CDH18: variants seen among roughly 807,000 people sequenced by gnomAD.
CDH18 encodes the protein cadherin 18.
A neutral mutation model predicts 67.9 loss-of-function variants in CDH18; 31 were observed. That is an observed-to-expected ratio of 0.46 (90% CI 0.34 to 0.62). The LOEUF is 0.62. Ranked by LOEUF, CDH18 falls within the 20% of genes least tolerant of loss-of-function variation. CDH18 has a pLI of 0.01. For missense variants in CDH18, 890 were observed against 975.5 expected, an observed-to-expected ratio of 0.91 and a Z score of 1.17; for synonymous variants, 362 against 347.2, an observed-to-expected ratio of 1.04 and a Z score of -0.48.
chr5:19,885,637 T>A (rs1292295489), intron 2 of CDH18, among the ~76,000 whole-genome samples: 1 of 152,180 alleles, frequency 6.6e-6, no homozygotes, highest in African/African-American at 2.4e-5. Context: ...CATAGCTCAC[T>A]GCAGCCTAGA....
intron 4 of CDH18, among the ~76,000 whole-genome samples, chr5:19,742,341 T>C (rs1236975464): frequency 3.3e-5 from 5 of 152,106 alleles, no homozygotes; most frequent in Admixed American, 6.6e-5. Flanking sequence ...TGCAAAGCTA[T>C]ATAGAAAATC....
At chr5:20,305,497 T>G (rs1580711273) in intron 1 of CDH18, 3 of 1,165,246 alleles carry the variant, frequency 2.6e-6, no homozygotes, top group Admixed American at 1.7e-5. Context: ...GGGTCTTGGG[T>G]GCCGCGAAAC....
chr5:19,688,957 T>A (rs538751291), intron 5 of CDH18, among the ~76,000 whole-genome samples: 6 of 152,138 alleles, frequency 3.9e-5, no homozygotes, highest in African/African-American at 1.4e-4. Context: ...ATTTTAGAAT[T>A]TAAAGACAGT....
intron 3 of CDH18, among the ~76,000 whole-genome samples, chr5:19,819,408 T>C (rs952592760): frequency 1.3e-5 from 2 of 152,162 alleles, no homozygotes; most frequent in Non-Finnish European, 2.9e-5. Context: ...CATCACATTC[T>C]GAACAGATCT....
intron 1 of CDH18, among the ~76,000 whole-genome samples, chr5:20,573,663 G>A (rs190574355): frequency 2.2e-4 from 33 of 150,274 alleles, no homozygotes; most frequent in African/African-American, 7.5e-4. Flanking sequence ...AACTAAACAA[G>A]GTTATAATAG....
chr5:19,625,827 C>T (rs891191490), intron 5 of CDH18, among the ~76,000 whole-genome samples: 14 of 152,190 alleles, frequency 9.2e-5, no homozygotes, highest in Middle Eastern at 3.4e-3. Context: ...AGCCTGGCCC[C>T]TCCTTTTCCT....
At chr5:20,123,541 C>T (rs1272712896) in intron 2 of CDH18, among the ~76,000 whole-genome samples, 1 of 152,166 alleles carries the variant, frequency 6.6e-6, no homozygotes, top group Non-Finnish European at 1.5e-5. Flanking sequence ...TCCCCAGTTC[C>T]ACGCAAGTTA....
At chr5:19,643,796 A>C (rs1232866165) in intron 5 of CDH18, among the ~76,000 whole-genome samples, 1 of 152,148 alleles carries the variant, frequency 6.6e-6, no homozygotes, top group East Asian at 1.9e-4. Context: ...AATGTTGGAT[A>C]CTCAAAATTT....
intron 1 of CDH18, among the ~76,000 whole-genome samples, chr5:20,556,336 A>G (rs947696470): frequency 2.0e-5 from 3 of 152,156 alleles, no homozygotes; most frequent in Non-Finnish European, 4.4e-5. Context: ...GAATGTGGTA[A>G]AGGGACCATT....
intron 2 of CDH18, among the ~76,000 whole-genome samples, chr5:20,184,434 AACAATC>A (rs941076900): frequency 6.6e-6 from 1 of 152,070 alleles, no homozygotes; most frequent in Non-Finnish European, 1.5e-5. Context: ...ACTCCTTTTC[AACAATC>A]ACAAAAAGAA....
At chr5:19,526,936 G>A (rs1747835563) in intron 9 of CDH18, among the ~76,000 whole-genome samples, 1 of 151,786 alleles carries the variant, frequency 6.6e-6, no homozygotes, top group Admixed American at 6.6e-5. Flanking sequence ...AGCTGTCTAA[G>A]TTTCATAAAT....
chr5:20,262,203 G>A (rs868672140), intron 1 of CDH18, among the ~76,000 whole-genome samples: 9 of 152,168 alleles, frequency 5.9e-5, no homozygotes, highest in African/African-American at 1.7e-4. Context: ...TGTGATAAAT[G>A]GGAAACCATA....
At chr5:19,762,753 C>G (rs1581237328) in intron 3 of CDH18, among the ~76,000 whole-genome samples, 1 of 152,100 alleles carries the variant, frequency 6.6e-6, no homozygotes, top group African/African-American at 2.4e-5. Flanking sequence ...ACTGGGTATA[C>G]ACCCAAAGGA....
intron 1 of CDH18, among the ~76,000 whole-genome samples, chr5:20,569,337 G>T (rs549808255): frequency 4.5e-4 from 68 of 152,078 alleles, no homozygotes; most frequent in Non-Finnish European, 8.2e-4. Flanking sequence ...AAATAAACAT[G>T]CTCGGCCAGG....
At chr5:19,792,913 G>C (rs1776510404) in intron 3 of CDH18, among the ~76,000 whole-genome samples, 1 of 152,114 alleles carries the variant, frequency 6.6e-6, no homozygotes, top group African/African-American at 2.4e-5. Flanking sequence ...AGGCACAGAG[G>C]CATTTGTGAT....
intron 1 of CDH18, among the ~76,000 whole-genome samples, chr5:20,271,305 T>C (rs1173620053): frequency 6.6e-6 from 1 of 152,104 alleles, no homozygotes; most frequent in Non-Finnish European, 1.5e-5. Context: ...GAGAGGCTGG[T>C]CAATGATTAC....
rs115422424 is a variant in CDH18, at chr5:20,088,220, C to G, written c.-517-96206G>C. On this transcript the variant is annotated intron_variant, in intron 2 of 14. Transcript: ENST00000507958. ...CTCTTATTTTATGCCAGCCACTATA[C>G]TTGGTATTTTACAAATGTGGTTTCA... is the stretch of plus-strand genomic sequence containing the variant. Among the ~76,000 whole-genome samples, 172 of 152,296 alleles carry G rather than the reference C, an allele frequency of 1.1e-3. 1 individual carries two copies. The highest frequency in any genetic ancestry group is 4.0e-3 in the African/African-American group (165 of 41,562).
intron 12 of CDH18, 65 bp downstream of exon 12, chr5:19,483,236 T>C (rs1561161582): frequency 6.7e-7 from 1 of 1,498,972 alleles, no homozygotes; most frequent in Non-Finnish European, 9.0e-7. Context: ...CCTTAAGATT[T>C]GTCAAAATGA....
At chr5:20,484,125 A>G (rs971742354) in intron 1 of CDH18, among the ~76,000 whole-genome samples, 2 of 152,128 alleles carry the variant, frequency 1.3e-5, no homozygotes, top group African/African-American at 4.8e-5. Context: ...AAAGGTCTGA[A>G]TAGAAATTTC....
Sources: allele counts gnomAD v4.1 joint callset (sites outside exome capture counted in the v4.1 genomes callset), GRCh38; gene constraint gnomAD v4.1.1; transcripts MANE v1.5; gene names NCBI Gene and HGNC (gene_info 2026-07-23, HGNC 2026-07-21).